Variants in TRPC7 observed in about 807,000 individuals in gnomAD.
The protein encoded by TRPC7 is short transient receptor potential channel 7.
In TRPC7, 42 loss-of-function variants were observed where a neutral mutation model predicts 90.1. The observed-to-expected ratio is 0.47, with a 90% CI of 0.36 to 0.60. The LOEUF (loss-of-function observed/expected upper bound fraction) is 0.60. Ranked by LOEUF, TRPC7 falls within the 20% of genes least tolerant of loss-of-function variation. TRPC7 has a pLI of 0.00. For synonymous variants in TRPC7, 451 were observed against 436.3 expected, an observed-to-expected ratio of 1.03 and a Z score of -0.42; for missense variants, 955 against 1,112.3, an observed-to-expected ratio of 0.86 and a Z score of 2.01.
At chr5:136,305,573 C>T (rs892178185) in intron 3 of TRPC7, among the ~76,000 whole-genome samples, 2 of 152,102 alleles carry the variant, frequency 1.3e-5, no homozygotes, top group Non-Finnish European at 2.9e-5. Context: ...AACTAAAATA[C>T]CTCTTAGTCT....
chr5:136,329,007 C>A (rs1759421543), intron 2 of TRPC7, among the ~76,000 whole-genome samples: 1 of 152,242 alleles, frequency 6.6e-6, no homozygotes, highest in Non-Finnish European at 1.5e-5. Context: ...TCACTGCGCA[C>A]CACCTTCCTC....
intron 2 of TRPC7, among the ~76,000 whole-genome samples, chr5:136,329,908 C>G (rs1281706097): frequency 6.6e-6 from 1 of 152,094 alleles, no homozygotes; most frequent in Non-Finnish European, 1.5e-5. Context: ...CCTATATGAA[C>G]TTAGTCTTGT....
intron 3 of TRPC7, among the ~76,000 whole-genome samples, chr5:136,307,874 C>T (rs1163300485): frequency 6.6e-6 from 1 of 152,198 alleles, no homozygotes; most frequent in African/African-American, 2.4e-5. Context: ...TTGTTATGCA[C>T]CTACCATGTT....
At position 136,315,760 on chromosome 5, in the gene TRPC7, G is replaced by C; in HGVS notation, c.800C>G (p.Ser267Cys). The C allele has an allele frequency of 6.2e-7, 1 of 1,613,834 alleles. No homozygotes were observed. The highest frequency in any genetic ancestry group is 8.5e-7 in the Non-Finnish European group (1 of 1,179,808). Reference sequence around the variant, plus strand: ...CACTACAAAATCCTTGCATTGCATAGATAACTTCCTGTAATCGTTCTAACA... The same window carrying C: ...CACTACAAAATCCTTGCATTGCATACATAACTTCCTGTAATCGTTCTAACA... ...TEFKNDYRKL[S>C]MQCKDFVVGV... Residue 267 changes from serine to cysteine, a missense_variant, in exon 3 of 12, where the codon TCT becomes TGT. This residue lies in a region of TRPC7 where 484 missense variants were observed against 509.6 expected (regional missense o/e 0.95). Coordinates refer to ENST00000513104, the MANE Select transcript of TRPC7 (RefSeq NM_020389.3).
intron 1 of TRPC7, 89 bp from the exon 2 acceptor site, chr5:136,357,474 A>G (rs1294920161): frequency 7.6e-7 from 1 of 1,308,662 alleles, no homozygotes; most frequent in Admixed American, 2.6e-5. Context: ...CACAAAGAAT[A>G]TCATGCTTGG....
intron 7 of TRPC7, among the ~76,000 whole-genome samples, chr5:136,241,012 G>A (rs1427832324): frequency 6.6e-6 from 1 of 152,058 alleles, no homozygotes; most frequent in African/African-American, 2.4e-5. Flanking sequence ...GGGTGTGTGG[G>A]CAGAGTCTTA....
intron 3 of TRPC7, among the ~76,000 whole-genome samples, chr5:136,302,977 G>C (rs1252738669): frequency 1.3e-5 from 2 of 151,910 alleles, no homozygotes; most frequent in Admixed American, 1.3e-4. Flanking sequence ...CTCCTAGCCA[G>C]GCCGAGCTAG....
At chr5:136,331,654 T>C (rs1261473915) in intron 2 of TRPC7, among the ~76,000 whole-genome samples, 1 of 152,222 alleles carries the variant, frequency 6.6e-6, no homozygotes, top group Non-Finnish European at 1.5e-5. Flanking sequence ...AGAAATCCAC[T>C]TTTACAAAGT....
At chr5:136,314,565 A>G (rs1240141939) in intron 3 of TRPC7, among the ~76,000 whole-genome samples, 1 of 152,214 alleles carries the variant, frequency 6.6e-6, no homozygotes, top group Non-Finnish European at 1.5e-5. Flanking sequence ...TGTGATTATT[A>G]TAATATCAAA....
chr5:136,301,196 T>G (rs1056384751), intron 3 of TRPC7, among the ~76,000 whole-genome samples: 5 of 152,076 alleles, frequency 3.3e-5, no homozygotes, highest in African/African-American at 4.8e-5. Context: ...CCAGCTAATT[T>G]TTATATTTTT....
At chr5:136,219,831 C>A (rs149097790) in intron 10 of TRPC7, among the ~76,000 whole-genome samples, 1 of 152,336 alleles carries the variant, frequency 6.6e-6, no homozygotes, top group African/African-American at 2.4e-5. Flanking sequence ...GCATGCTGCA[C>A]AACTTGGTAT....
At chr5:136,314,237 C>T (rs1001348444) in intron 3 of TRPC7, 1 of 152,140 alleles carries the variant, frequency 6.6e-6, no homozygotes, top group Non-Finnish European at 1.5e-5. Flanking sequence ...CTGGGAACTC[C>T]AGCTCATTTT....
chr5:136,222,492 G>A (rs1489328427), intron 10 of TRPC7, among the ~76,000 whole-genome samples: 1 of 152,152 alleles, frequency 6.6e-6, no homozygotes. Context: ...CTGCACATTT[G>A]GAAGCTGCTG....
chr5:136,364,551 T>C (rs1760665472), intron 1 of TRPC7, among the ~76,000 whole-genome samples: 1 of 152,180 alleles, frequency 6.6e-6, no homozygotes. Context: ...CAATCATTAT[T>C]GCCTTTTCTG....
Position 136,214,471 on chromosome 5 carries a change from A to T in TRPC7, c.2420-867T>A, listed in dbSNP as rs563163549. 3.3e-5 allele frequency: 5 copies of T among 152,292 alleles called. No homozygotes were observed. In the East Asian group the frequency reaches 9.6e-4, roughly 29 times the overall value. The allele number at this position is 152,292 out of a possible 1,614,324, so 9.4% of individuals were successfully genotyped here. On this transcript the variant is annotated intron_variant, in intron 11 of 11. Transcript: ENST00000513104. ...GCAGAGATCTTAAAGGTACAGTTTG[A>T]TCCATTTTGACAAATGGATACACCC...
At chr5:136,328,247 C>A (rs952734182) in intron 2 of TRPC7, among the ~76,000 whole-genome samples, 3 of 152,112 alleles carry the variant, frequency 2.0e-5, no homozygotes, top group African/African-American at 7.2e-5. Context: ...AGGGTTCTGC[C>A]CCAAGGGTAG....
chr5:136,320,810 C>A (rs968597499), intron 2 of TRPC7, among the ~76,000 whole-genome samples: 1 of 152,168 alleles, frequency 6.6e-6, no homozygotes, highest in Admixed American at 6.5e-5. Flanking sequence ...CATGAACAAC[C>A]CTTAAGCCTT....
chr5:136,262,260 A>G (rs539952077), intron 5 of TRPC7, among the ~76,000 whole-genome samples: 2 of 152,284 alleles, frequency 1.3e-5, no homozygotes, highest in South Asian at 2.1e-4. Flanking sequence ...AAAACTCTCC[A>G]AAGGCTGCCT....
chr5:136,311,549 G>C (rs1758831849), intron 3 of TRPC7, among the ~76,000 whole-genome samples: 1 of 152,208 alleles, frequency 6.6e-6, no homozygotes, highest in East Asian at 1.9e-4. Flanking sequence ...GATATGCAGT[G>C]GAAGGAAAAG....
Sources: gnomAD v4.1 joint callset for allele counts (sites outside exome capture counted in the v4.1 genomes callset) on GRCh38, gnomAD v4.1.1 for gene constraint, gnomAD v4.1.1 regional missense constraint, MANE v1.5 for transcripts, NCBI Gene and HGNC (gene_info 2026-07-23, HGNC 2026-07-21) for gene names.